The following NCKAP5 variants were observed in gnomAD, a reference collection of about 807,000 sequenced individuals.
NCKAP5 encodes the protein NCK associated protein 5, also known as nck-associated protein 5.
A neutral mutation model predicts 167.0 loss-of-function variants in NCKAP5; 92 were observed. That is an observed-to-expected ratio of 0.55 (90% confidence interval 0.47 to 0.66). NCKAP5 has a LOEUF of 0.66. Among genes scored for constraint, NCKAP5 ranks in the 30% least tolerant of loss-of-function variants. NCKAP5 has a pLI of 0.00. For synonymous variants in NCKAP5, 891 were observed against 877.4 expected (o/e 1.02, Z -0.27); for missense variants, 2,378 against 2,315.0 (o/e 1.03, Z -0.56).
intron 5 of NCKAP5, among the ~76,000 whole-genome samples, chr2:133,189,858 T>G (rs2085128411): frequency 6.6e-6 from 1 of 152,162 alleles, no homozygotes; most frequent in Non-Finnish European, 1.5e-5. Context: ...CTTTGAAAAC[T>G]GGCACAAGAC....
chr2:132,972,123 C>G (rs1208631939), intron 7 of NCKAP5, among the ~76,000 whole-genome samples: 1 of 152,160 alleles, frequency 6.6e-6, no homozygotes, highest in Non-Finnish European at 1.5e-5. Context: ...TATACTGGAA[C>G]AGTAGGTGTA....
At chr2:132,818,097 G>A (rs764249205) in intron 11 of NCKAP5, among the ~76,000 whole-genome samples, 18 of 152,068 alleles carry the variant, frequency 1.2e-4, no homozygotes, top group Non-Finnish European at 1.8e-4. Flanking sequence ...ACAGGCACAC[G>A]CCAGCATGCC....
rs151183336 is a variant in NCKAP5 at position 132,826,465 on chromosome 2, T to C, written c.808-29736A>G. ...CTGGAACCATTATTTAATTCCCCAG[T>C]ATGGTGTCAACCAAGGGGCTATTAG... On this transcript the variant is annotated intron_variant, in intron 11 of 19. Coordinates refer to ENST00000409261, the MANE Select transcript of NCKAP5 (RefSeq NM_207363.3). Among the ~76,000 whole-genome samples, 213 of 152,310 alleles carry C rather than the reference T, an allele frequency of 1.4e-3. 1 individual carries two copies. The highest frequency in any genetic ancestry group is 4.9e-3 in the African/African-American group (202 of 41,562).
At chr2:133,136,525 G>C (rs1436530339) in intron 5 of NCKAP5, among the ~76,000 whole-genome samples, 2 of 152,142 alleles carry the variant, frequency 1.3e-5, no homozygotes, top group African/African-American at 4.8e-5. Context: ...TCCTATGCTG[G>C]CTTGATGTCT....
At position 133,195,944 on chromosome 2, in the gene NCKAP5, A is replaced by G. The variant is rs78500727; in HGVS notation, c.207+17772T>C. 8.7e-3 allele frequency among the ~76,000 whole-genome samples: 1,324 copies of G among 152,268 alleles called. 14 individuals are homozygous for G. The highest frequency in any genetic ancestry group is 0.029 in the African/African-American group (1,223 of 41,562). ...TAAAGCCATTAAGAAACATACATCAATTGAAACCCAGGAATGGATTCCCCG... is the reference window on the plus strand; with the variant it reads ...TAAAGCCATTAAGAAACATACATCAGTTGAAACCCAGGAATGGATTCCCCG... On this transcript the variant is annotated intron_variant, in intron 5 of 19. Transcript: ENST00000409261.
chr2:132,735,306 T>C (rs1309409095), intron 16 of NCKAP5, among the ~76,000 whole-genome samples: 1 of 152,152 alleles, frequency 6.6e-6, no homozygotes, highest in Non-Finnish European at 1.5e-5. Flanking sequence ...GGGGGTTATA[T>C]CCATCATTCA....
chr2:132,879,315 G>A (rs1691567279), intron 8 of NCKAP5, among the ~76,000 whole-genome samples: 1 of 152,176 alleles, frequency 6.6e-6, no homozygotes, highest in African/African-American at 2.4e-5. Flanking sequence ...CCACAGAAAA[G>A]AATCTCACAT....
At chr2:133,312,635 G>A (rs1480222298) in intron 3 of NCKAP5, among the ~76,000 whole-genome samples, 2 of 152,274 alleles carry the variant, frequency 1.3e-5, no homozygotes, top group African/African-American at 4.8e-5. Flanking sequence ...TACATGCTAA[G>A]GATAGCTAAA....
At chr2:133,524,386 A>G (rs1376077750) in intron 2 of NCKAP5, among the ~76,000 whole-genome samples, 1 of 152,128 alleles carries the variant, frequency 6.6e-6, no homozygotes, top group Admixed American at 6.5e-5. Flanking sequence ...CCGTATCTCC[A>G]CTCTCAGGCT....
chr2:132,764,079 G>A (rs1681245927), intron 16 of NCKAP5, among the ~76,000 whole-genome samples: 1 of 152,198 alleles, frequency 6.6e-6, no homozygotes, highest in Non-Finnish European at 1.5e-5. Context: ...ACAGAGGAAA[G>A]GAGTCATAGA....
Position 132,783,830 on chromosome 2 carries a change from T to C in NCKAP5, c.2981A>G (p.Lys994Arg). The C allele has an allele frequency of 2.0e-6, 3 of 1,533,286 alleles. No individual in the cohort carries two copies. In the South Asian group the frequency reaches 3.9e-5, roughly 20 times the overall value. The allele number at this position is 1,533,286 out of a possible 1,614,324, so 95.0% of individuals were successfully genotyped here. ...CTTTTTGAAGGCCACAGAAGGTTTC[T>C]TCCTCTGCACTTCTGTCGTGGCCGG... ...SNPATTEVQR[K>R]KPSVAFKKPI... The change falls in exon 14 of 20, where the codon AAG becomes AGG. Residue 994 changes from lysine to arginine, a missense_variant. Coordinates refer to ENST00000409261, the MANE Select transcript of NCKAP5 (RefSeq NM_207363.3).
At chr2:133,248,535 C>T (rs1463482717) in intron 4 of NCKAP5, among the ~76,000 whole-genome samples, 1 of 152,184 alleles carries the variant, frequency 6.6e-6, no homozygotes, top group East Asian at 1.9e-4. Context: ...GGGAAAAAGG[C>T]AGCATTGGTG....
chr2:133,500,924 C>G (rs1359108139), intron 3 of NCKAP5, among the ~76,000 whole-genome samples: 1 of 152,150 alleles, frequency 6.6e-6, no homozygotes, highest in Non-Finnish European at 1.5e-5. Context: ...CTTGATTAAT[C>G]CTTGTAACAC....
the NCKAP5 span, among the ~76,000 whole-genome samples, chr2:133,586,966 T>G: frequency 6.6e-6 from 1 of 152,148 alleles, no homozygotes; most frequent in Non-Finnish European, 1.5e-5. Context: ...GTTCAGAATC[T>G]CTGAATTGGA....
chr2:132,774,958 G>A (rs1682422082), intron 15 of NCKAP5, among the ~76,000 whole-genome samples: 1 of 152,162 alleles, frequency 6.6e-6, no homozygotes, highest in Non-Finnish European at 1.5e-5. Flanking sequence ...GGGACCTTTG[G>A]TATTCTCAAA....
the NCKAP5 span, among the ~76,000 whole-genome samples, chr2:133,628,938 G>A: frequency 8.5e-5 from 13 of 152,088 alleles, no homozygotes; most frequent in South Asian, 2.1e-4. Flanking sequence ...AGCCATATTC[G>A]GAAGATTGAA....
intron 1 of NCKAP5, among the ~76,000 whole-genome samples, chr2:133,565,962 A>G (rs1408468373): frequency 1.3e-5 from 2 of 152,210 alleles, no homozygotes; most frequent in Non-Finnish European, 2.9e-5. Context: ...GAGGTATTTA[A>G]CAACATGGCA....
intron 19 of NCKAP5, among the ~76,000 whole-genome samples, chr2:132,709,493 A>G (rs1688658580): frequency 6.6e-6 from 1 of 152,058 alleles, no homozygotes; most frequent in Non-Finnish European, 1.5e-5. Flanking sequence ...TATTATTAAT[A>G]AAAAGGACAA....
At chr2:132,991,273 G>T (rs993194522) in intron 7 of NCKAP5, among the ~76,000 whole-genome samples, 3 of 152,128 alleles carry the variant, frequency 2.0e-5, no homozygotes, top group Non-Finnish European at 4.4e-5. Flanking sequence ...ATTTGATGGG[G>T]CTCTGAACTA....
Sources: gnomAD v4.1 joint callset for allele counts (sites outside exome capture counted in the v4.1 genomes callset) on GRCh38, gnomAD v4.1.1 for gene constraint, MANE v1.5 for transcripts, NCBI Gene and HGNC (gene_info 2026-07-23, HGNC 2026-07-21) for gene names.